TAF11L11: variants seen among roughly 807,000 people sequenced by gnomAD.
TAF11L11 encodes TATA-box-binding protein-associated factor 11-like protein 11.
At position 17,604,893 on chromosome 5, in the gene TAF11L11, A is replaced by C. The variant is rs1012355424; in HGVS notation, c.113A>C (p.Glu38Ala). 7.7e-6 allele frequency: 3 copies of C among 391,380 alleles called. 1 individual carries two copies. Among genetic ancestry groups the C allele is most frequent in the Non-Finnish European group, 1.4e-5 (3 of 221,568 alleles). The allele number at this position is 391,380 out of a possible 1,614,324, so 24.2% of individuals were successfully genotyped here. The change falls in exon 1 of 1, where the codon GAA (glutamate) becomes GCA (alanine). Residue 38 changes from glutamate (E) to alanine (A), a missense_variant. By Grantham distance (107) the Glu-to-Ala change is moderately radical. Transcript: ENST00000510838. ...GAGGACCTAGATGGGAACTTGGAAG[A>C]ACCCAGGGATCAGGAAAGTGAGCTC...
At chr5:17,605,359 C>A in the TAF11L11 span, 3 of 393,548 alleles carry the variant, frequency 7.6e-6, 1 homozygote, top group Non-Finnish European at 9.0e-6. Flanking sequence ...ACAGCAACTA[C>A]AAAAAAATCA....
In TAF11L11 at chr5:17,605,266, A is replaced by C. The variant is rs72742645; in HGVS notation, c.486A>C (p.Glu162Asp). ...TGGAAGAGGCCCTGGACGTGTGCGA[A>C]ATGTGGGGAGAAACGCCCCCGCTGC... Residue 162 changes from glutamate to aspartate, a missense_variant, in exon 1 of 1, where the codon GAA becomes GAC. Glu to Asp is a conservative substitution (Grantham distance 45). Transcript: ENST00000510838. 449 of 394,970 alleles carry C rather than the reference A, an allele frequency of 1.1e-3. 10 individuals carry two copies. Among genetic ancestry groups the C allele is most frequent in the African/African-American group, 7.9e-3 (383 of 48,296 alleles). The allele number at this position is 394,970 out of a possible 1,614,324, so 24.5% of individuals were successfully genotyped here.
At chr5:17,605,524 C>A, downstream of TAF11L11, 1 of 383,896 alleles carries the variant, frequency 2.6e-6, no homozygotes, top group East Asian at 3.6e-5. Context: ...GTGAAGTTGA[C>A]CTTACCTAGG....
rs1364239598 is a variant in TAF11L11 at position 17,604,584 on chromosome 5, T to C, written c.-197T>C. On this transcript the variant is annotated 5_prime_UTR_variant, in exon 1 of 1. Transcript: ENST00000510838. ...CACAAGTTTCTTCACATTGTGGAAG[T>C]GAGAACATTCAGTGTGTGTGTTTGT... 2.4e-5 allele frequency: 7 copies of C among 295,672 alleles called. No homozygotes were observed. The East Asian group carries it at 3.4e-4, about 14-fold the overall frequency. The allele number at this position is 295,672 out of a possible 1,614,324, so 18.3% of individuals were successfully genotyped here.
exon 1 of TAF11L11, chr5:17,604,787 A>T (rs1739131458): frequency 2.6e-6 from 1 of 385,816 alleles, no homozygotes; most frequent in Non-Finnish European, 4.6e-6. Flanking sequence ...ACCCATGGAG[A>T]CAGGCAGGCA....
At chr5:17,604,631 G>T (rs902535887) in exon 1 of TAF11L11, 4 of 331,110 alleles carry the variant, frequency 1.2e-5, no homozygotes, top group Admixed American at 4.9e-5. Flanking sequence ...GGAGGCAGGG[G>T]GCTGTGTCCA....
chr5:17,605,738 G>C (rs367815681), downstream of TAF11L11, among the ~76,000 whole-genome samples: 2 of 151,408 alleles, frequency 1.3e-5, no homozygotes, highest in Non-Finnish European at 2.9e-5. Context: ...TGGTGTAGCT[G>C]TGTCTTAGCT....
At chr5:17,605,837 T>A (rs1739160606), downstream of TAF11L11, among the ~76,000 whole-genome samples, 1 of 151,492 alleles carries the variant, frequency 6.6e-6, no homozygotes, top group Non-Finnish European at 1.5e-5. Flanking sequence ...TGCTCATATG[T>A]ATTTTTGTGA....
At chr5:17,605,683 A>G (rs1386927791), downstream of TAF11L11, among the ~76,000 whole-genome samples, 1 of 151,388 alleles carries the variant, frequency 6.6e-6, no homozygotes, top group Non-Finnish European at 1.5e-5. Flanking sequence ...GCATTCAGAG[A>G]GGGAAGCCCT....
chr5:17,605,464 CCT>C, downstream of TAF11L11: 2 of 389,380 alleles, frequency 5.1e-6, no homozygotes, highest in Non-Finnish European at 4.5e-6. Context: ...GCTGGAGCTT[CCT>C]TATCTCAGTC....
exon 1 of TAF11L11, chr5:17,604,720 C>G (rs951902424): frequency 3.7e-5 from 14 of 373,518 alleles, no homozygotes; most frequent in Admixed American, 9.2e-5. Context: ...ATAATCGAAC[C>G]ACCCCAGCCA....
downstream of TAF11L11, among the ~76,000 whole-genome samples, chr5:17,605,637 G>A (rs574826302): frequency 1.1e-4 from 17 of 151,474 alleles, no homozygotes; most frequent in African/African-American, 4.1e-4. Context: ...AAGAATCAAG[G>A]TGCCTGGGCC....
At chr5:17,605,318 C>T (rs1176810352) in exon 1 of TAF11L11, 3 of 393,934 alleles carry the variant, frequency 7.6e-6, no homozygotes, top group East Asian at 3.6e-5. Flanking sequence ...GGAGGCTGTT[C>T]GCAGGTTAAA....
chr5:17,604,192 T>G (rs200125715), exon 1 of TAF11L11: 1 of 151,454 alleles, frequency 6.6e-6, no homozygotes, highest in Admixed American at 6.6e-5. Context: ...TACACTCCCC[T>G]GTGGAGATTC....
exon 1 of TAF11L11, chr5:17,605,042 G>T (rs1249070934): frequency 2.5e-6 from 1 of 394,284 alleles, no homozygotes; most frequent in Non-Finnish European, 4.5e-6. Flanking sequence ...CACCATGGAT[G>T]CAGAGGAGGC....
chr5:17,604,772 A>G, exon 1 of TAF11L11: 2 of 383,922 alleles, frequency 5.2e-6, no homozygotes, highest in Non-Finnish European at 9.2e-6. Flanking sequence ...GCAGACTGGA[A>G]TCTCACCCAT....
downstream of TAF11L11, chr5:17,605,499 T>C: frequency 2.6e-6 from 1 of 385,526 alleles, no homozygotes; most frequent in Non-Finnish European, 4.6e-6. Flanking sequence ...ACCCACGATC[T>C]TAGTGTCTGA....
chr5:17,605,403 T>C, downstream of TAF11L11: 1 of 393,030 alleles, frequency 2.5e-6, no homozygotes, highest in East Asian at 3.6e-5. Flanking sequence ...GAAAGGTCTG[T>C]TTGTGCAGGA....
At chr5:17,604,566 T>G (rs1739125900) in exon 1 of TAF11L11, 1 of 275,578 alleles carries the variant, frequency 3.6e-6, no homozygotes, top group African/African-American at 2.2e-5. Flanking sequence ...ATCCACAAGT[T>G]TCTTCACATT....
Sources: gnomAD v4.1 joint callset for allele counts (sites outside exome capture counted in the v4.1 genomes callset) on GRCh38, gnomAD v4.1.1 for gene constraint, MANE v1.5 for transcripts, NCBI Gene and HGNC (gene_info 2026-07-23, HGNC 2026-07-21) for gene names.